CLIP2: variants seen among roughly 807,000 people sequenced by gnomAD.
The protein encoded by CLIP2 is CAP-Gly domain containing linker protein 2, also known as CAP-Gly domain-containing linker protein 2.
A neutral mutation model predicts 111.7 loss-of-function variants in CLIP2; 41 were observed. The observed-to-expected ratio is 0.37, with a 90% CI of 0.29 to 0.48. The LOEUF is 0.48. Ranked by LOEUF, CLIP2 falls within the 20% of genes least tolerant of loss-of-function variation. CLIP2 has a pLI of 0.99. For synonymous variants in CLIP2, 660 were observed against 644.2 expected (o/e 1.02, Z -0.37); for missense variants, 1,160 against 1,422.1 (o/e 0.82, Z 2.96).
chr7:74,380,930 G>C (rs913198783), intron 11 of CLIP2, 67 bp downstream of exon 11: 13 of 1,495,778 alleles, frequency 8.7e-6, no homozygotes, highest in South Asian at 4.5e-5. Flanking sequence ...CTGCCTTCCT[G>C]CTGGGTCACA....
chr7:74,385,737 C>CTTTTTT (rs869087670), intron 11 of CLIP2, among the ~76,000 whole-genome samples: 3 of 117,722 alleles, frequency 2.5e-5, no homozygotes, highest in Non-Finnish European at 5.3e-5. Context: ...GTCGGGTCTT[C>CTTTTTT]TTTTTTTTTT....
intron 2 of CLIP2, among the ~76,000 whole-genome samples, chr7:74,336,860 G>GTTTTTTTTTT (rs376463523): frequency 3.6e-5 from 5 of 140,574 alleles, no homozygotes; most frequent in African/African-American, 8.4e-5. Context: ...TGTTTTTTTT[G>GTTTTTTTTTT]TTTTTTTTTT....
At chr7:74,375,667 G>T (rs1322364831) in intron 9 of CLIP2, among the ~76,000 whole-genome samples, 1 of 151,740 alleles carries the variant, frequency 6.6e-6, no homozygotes, top group African/African-American at 2.4e-5. Flanking sequence ...AATCTTTGGG[G>T]TACAGCCAGG....
intron 3 of CLIP2, among the ~76,000 whole-genome samples, chr7:74,342,269 G>A (rs1287155357): frequency 2.0e-5 from 3 of 152,144 alleles, no homozygotes; most frequent in Non-Finnish European, 4.4e-5. Flanking sequence ...CGAGCTACTC[G>A]GGAGGTTGAG....
At chr7:74,310,962 G>A (rs1788626886) in intron 1 of CLIP2, among the ~76,000 whole-genome samples, 1 of 149,460 alleles carries the variant, frequency 6.7e-6, no homozygotes, top group Non-Finnish European at 1.5e-5. Context: ...CTATCTGCCT[G>A]CCTCGAGCTC....
At chr7:74,361,871 C>T (rs962586248) in intron 7 of CLIP2, among the ~76,000 whole-genome samples, 1 of 152,050 alleles carries the variant, frequency 6.6e-6, no homozygotes, top group Non-Finnish European at 1.5e-5. Context: ...GAGGCCGAGG[C>T]AGGCGGATCA....
chr7:74,291,673 G>T (rs1554725388), intron 1 of CLIP2, among the ~76,000 whole-genome samples: 1 of 152,172 alleles, frequency 6.6e-6, no homozygotes, highest in Non-Finnish European at 1.5e-5. Flanking sequence ...GGGAGAGGAG[G>T]CTCGTGCCCC....
intron 16 of CLIP2, 97 bp downstream of exon 16, chr7:74,401,664 A>G: frequency 7.9e-7 from 1 of 1,262,012 alleles, no homozygotes. Flanking sequence ...ACAAAGATGC[A>G]TTCTGCAAGA....
intron 2 of CLIP2, among the ~76,000 whole-genome samples, chr7:74,327,970 G>A (rs1220831540): frequency 2.6e-5 from 4 of 152,202 alleles, no homozygotes; most frequent in African/African-American, 9.6e-5. Flanking sequence ...ACAGAAGTGG[G>A]GTTTGGAGTT....
intron 11 of CLIP2, among the ~76,000 whole-genome samples, chr7:74,383,998 G>C (rs782501361): frequency 2.0e-5 from 3 of 152,092 alleles, no homozygotes; most frequent in Non-Finnish European, 4.4e-5. Context: ...AGACCAGCCT[G>C]GTCAAAATGG....
intron 7 of CLIP2, among the ~76,000 whole-genome samples, chr7:74,362,747 T>C (rs1458439033): frequency 1.3e-5 from 2 of 151,772 alleles, no homozygotes; most frequent in Non-Finnish European, 2.9e-5. Context: ...GTTGGCCAGG[T>C]TGGTCTTGAA....
rs955162582 is a variant in CLIP2 at position 74,403,696 on chromosome 7, C to T, written c.3130-141C>T. The T allele has an allele frequency of 3.9e-5, 33 of 846,962 alleles. No individual in the cohort carries two copies. In the African/African-American group the frequency reaches 4.6e-4, roughly 12 times the overall value. The allele number at this position is 846,962 out of a possible 1,614,324, so 52.5% of individuals were successfully genotyped here. On this transcript the variant is annotated intron_variant, in intron 16 of 16. Coordinates refer to ENST00000223398, the MANE Select transcript of CLIP2 (RefSeq NM_003388.5). Reference sequence around the variant, plus strand: ...CACACAGCAGGGAGACACTTCCTGCCTCAGGGCCTTGGCACATGCAGTTCG... The same window carrying T: ...CACACAGCAGGGAGACACTTCCTGCTTCAGGGCCTTGGCACATGCAGTTCG...
chr7:74,350,225 TA>T (rs1554307251), intron 3 of CLIP2, among the ~76,000 whole-genome samples: 2 of 152,000 alleles, frequency 1.3e-5, no homozygotes. Flanking sequence ...CTAATTTTTA[TA>T]TTTTTAGTAG....
intron 12 of CLIP2, among the ~76,000 whole-genome samples, chr7:74,387,650 C>A (rs1446573337): frequency 2.0e-5 from 3 of 152,204 alleles, no homozygotes; most frequent in Non-Finnish European, 2.9e-5. Context: ...GTCCATCCCC[C>A]AGTACAAGGC....
At chr7:74,348,639 AAT>A (rs1424219127) in intron 3 of CLIP2, among the ~76,000 whole-genome samples, 4 of 151,772 alleles carry the variant, frequency 2.6e-5, no homozygotes, top group African/African-American at 9.7e-5. Flanking sequence ...AATACAAAAA[AAT>A]TAGCCAGGCA....
chr7:74,300,301 G>A (rs1788296168), intron 1 of CLIP2, among the ~76,000 whole-genome samples: 1 of 151,228 alleles, frequency 6.6e-6, no homozygotes, highest in Non-Finnish European at 1.5e-5. Flanking sequence ...CCCACCTTTT[G>A]TAGTCTCCAG....
At chr7:74,354,768 C>CA (rs1291337108) in intron 4 of CLIP2, among the ~76,000 whole-genome samples, 8 of 150,956 alleles carry the variant, frequency 5.3e-5, no homozygotes, top group East Asian at 1.9e-4. Flanking sequence ...AAGACTGTCT[C>CA]AAAAAAAATA....
chr7:74,357,066 G>A (rs1314287179), intron 5 of CLIP2, among the ~76,000 whole-genome samples: 2 of 152,114 alleles, frequency 1.3e-5, no homozygotes, highest in East Asian at 3.9e-4. Flanking sequence ...CCTGAGATGG[G>A]GAGTTTCCTG....
chr7:74,403,881 A>C lies in CLIP2; in HGVS notation c.*33A>C, dbSNP rs1313459905. 1 of 1,612,242 alleles carries C rather than the reference A, an allele frequency of 6.2e-7. No individual in the cohort carries two copies. Among genetic ancestry groups the C allele is most frequent in the Admixed American group, 1.7e-5 (1 of 59,998 alleles). On this transcript the variant is annotated 3_prime_UTR_variant, in exon 17 of 17. Coordinates refer to ENST00000223398, the MANE Select transcript of CLIP2 (RefSeq NM_003388.5). Reference sequence around the variant, plus strand: ...GGGATACTGTGGAGCAGCCCAGTCCACACCAGAGCCCCACGCGGCTGCCCG... The same window carrying C: ...GGGATACTGTGGAGCAGCCCAGTCCCCACCAGAGCCCCACGCGGCTGCCCG...
Sources: allele counts gnomAD v4.1 joint callset (sites outside exome capture counted in the v4.1 genomes callset), GRCh38; gene constraint gnomAD v4.1.1; transcripts MANE v1.5; gene names NCBI Gene and HGNC (gene_info 2026-07-23, HGNC 2026-07-21).